Variants in MROH1 observed in about 807,000 individuals in gnomAD.
MROH1 encodes the protein maestro heat-like repeat-containing protein family member 1.
Under a neutral mutation model 116.5 loss-of-function variants are expected in MROH1, and 117 were observed. That is an observed-to-expected ratio of 1.00 (90% CI 0.86 to 1.17). MROH1 has a LOEUF of 1.17. Ranked by LOEUF, MROH1 falls within the 50% of genes most tolerant of loss-of-function variation. The pLI is 0.00. For missense variants in MROH1, 1,873 were observed against 1,338.5 expected (o/e 1.40, Z -6.23); for synonymous variants, 921 against 583.9 (o/e 1.58, Z -8.32).
chr8:144,207,222 T>A (rs72695470), intron 12 of MROH1, among the ~76,000 whole-genome samples: 1 of 151,734 alleles, frequency 6.6e-6, no homozygotes, highest in Non-Finnish European at 1.5e-5. Flanking sequence ...GGAGTCGTGC[T>A]CTGTCACCAA....
chr8:144,157,048 C>T (rs1281498273), intron 1 of MROH1, among the ~76,000 whole-genome samples: 1 of 151,724 alleles, frequency 6.6e-6, no homozygotes, highest in South Asian at 2.1e-4. Flanking sequence ...CTCCGCCTCC[C>T]GCATTCAAGG....
chr8:144,191,609 G>A, intron 8 of MROH1, 106 bp from the exon 9 acceptor site: 2 of 1,440,100 alleles, frequency 1.4e-6, no homozygotes, highest in Non-Finnish European at 1.9e-6. Flanking sequence ...GCACCCACTG[G>A]TAGCCCAGTG....
At chr8:144,174,739 T>C (rs956462296) in intron 4 of MROH1, 7 of 711,180 alleles carry the variant, frequency 9.8e-6, no homozygotes, top group African/African-American at 9.7e-5. Flanking sequence ...CACCTTGGCC[T>C]CCCAAAGTGC....
At chr8:144,260,581 G>C in intron 39 of MROH1, 96 bp from the exon 40 acceptor site, 1 of 763,866 alleles carries the variant, frequency 1.3e-6, no homozygotes, top group Non-Finnish European at 2.4e-6. Context: ...TCCTGGCCCG[G>C]GTCAGGCAAG....
At chr8:144,158,923 G>C (rs1462120809) in intron 1 of MROH1, among the ~76,000 whole-genome samples, 1 of 152,090 alleles carries the variant, frequency 6.6e-6, no homozygotes, top group Non-Finnish European at 1.5e-5. Flanking sequence ...ATTTTTTGTA[G>C]AGACAGGGCT....
Position 144,223,047 on chromosome 8 carries a change from G to A in MROH1, c.1216-61G>A, listed in dbSNP as rs115580075. 3,154 of 1,604,198 alleles carry A rather than the reference G, an allele frequency of 2.0e-3. 48 individuals carry two copies. The African/African-American group carries it at 0.037, about 19-fold the overall frequency. The stretch of plus-strand genomic sequence containing the variant: ...GGAAGACTGAGGTTCCTCTCTGCTG[G>A]CTGGACTGGCATGGCAGTCTCTGCG... On this transcript the variant is annotated intron_variant, in intron 13 of 43. Coordinates refer to ENST00000326134, the MANE Select transcript of MROH1 (RefSeq NM_032450.3).
rs1815830023 is a variant in MROH1, at chr8:144,148,028, T to G, written c.-225T>G. On this transcript the variant is annotated 5_prime_UTR_variant, in exon 1 of 44. Coordinates refer to ENST00000326134, the MANE Select transcript of MROH1 (RefSeq NM_032450.3). ...CGCGGCTCCGCCCACTCCGGGCCCC[T>G]GCTGGGCGGGAAGGCGGCGCCCCGG... The G allele has an allele frequency of 6.6e-6, 1 of 152,022 alleles. No homozygotes were observed. The highest frequency in any genetic ancestry group is 1.5e-5 in the Non-Finnish European group (1 of 68,016). The allele number at this position is 152,022 out of a possible 1,614,324, so 9.4% of individuals were successfully genotyped here.
Position 144,208,690 on chromosome 8 carries a change from C to T in MROH1, c.1141+8149C>T, listed in dbSNP as rs180783764. 2.0e-5 allele frequency among the ~76,000 whole-genome samples: 3 copies of T among 152,094 alleles called. No individual in the cohort carries two copies. In the East Asian group the frequency reaches 5.8e-4, roughly 29 times the overall value. On this transcript the variant is annotated intron_variant, in intron 12 of 43. Transcript: ENST00000326134. The stretch of plus-strand genomic sequence containing the variant: ...ATGTTAGTGGGTATATTTCAGGACT[C>T]TATTCTTTCCTTACACCAATATCAC...
At chr8:144,260,610 G>A in intron 39 of MROH1, 67 bp from the exon 40 acceptor site, 1 of 768,514 alleles carries the variant, frequency 1.3e-6, no homozygotes, top group South Asian at 1.3e-5. Context: ...TCAATGGCAG[G>A]GGGCTAGGCA....
chr8:144,191,122 T>C (rs922210411), intron 8 of MROH1, among the ~76,000 whole-genome samples, 187 bp downstream of exon 8: 1 of 152,094 alleles, frequency 6.6e-6, no homozygotes, highest in Non-Finnish European at 1.5e-5. Context: ...CAGGCTGGAG[T>C]GCAGTGGCAT....
At chr8:144,153,136 G>C (rs1817254885) in intron 1 of MROH1, among the ~76,000 whole-genome samples, 3 of 151,796 alleles carry the variant, frequency 2.0e-5, no homozygotes, top group Admixed American at 2.0e-4. Flanking sequence ...TCTGTTCCTG[G>C]CTTATTTTAC....
chr8:144,169,163 G>T (rs1193165399), intron 4 of MROH1, among the ~76,000 whole-genome samples: 4 of 152,204 alleles, frequency 2.6e-5, no homozygotes, highest in Non-Finnish European at 5.9e-5. Flanking sequence ...GTTTTTCTCT[G>T]TGTGTGTGGT....
rs2133254609 is a variant in MROH1 at position 144,254,970 on chromosome 8, C to T, written c.3586C>T (p.Pro1196Ser). 11 of 766,054 alleles carry T rather than the reference C, an allele frequency of 1.4e-5. No homozygotes were observed. In the East Asian group the frequency reaches 2.5e-4, roughly 17 times the overall value. The allele number at this position is 766,054 out of a possible 1,614,324, so 47.5% of individuals were successfully genotyped here. ...RTPDRVATLL[P>S]LSATCALFEV... Reference sequence around the variant, plus strand: ...CCCAGACCGCGTGGCCACGCTGCTGCCTCTCTCGGTGAGTCGGGCTCTCGG... The same window carrying T: ...CCCAGACCGCGTGGCCACGCTGCTGTCTCTCTCGGTGAGTCGGGCTCTCGG... The change falls in exon 34 of 44, where the codon CCT becomes TCT. Residue 1196 changes from proline (P) to serine (S), a missense_variant. Pro to Ser is a moderately conservative substitution (Grantham distance 74). Transcript: ENST00000326134.
intron 40 of MROH1, 34 bp downstream of exon 40, chr8:144,260,866 G>A (rs1844910474): frequency 1.3e-6 from 1 of 777,618 alleles, no homozygotes; most frequent in Non-Finnish European, 2.4e-6. Flanking sequence ...GATGGGGTGG[G>A]TGGCCTCAAC....
At chr8:144,248,312 A>G (rs1487199171) in intron 31 of MROH1, among the ~76,000 whole-genome samples, 1 of 152,176 alleles carries the variant, frequency 6.6e-6, no homozygotes, top group African/African-American at 2.4e-5. Context: ...GGGGGGAAAA[A>G]AAGAGTCCTT....
At chr8:144,190,114 C>T (rs1588032092) in intron 7 of MROH1, among the ~76,000 whole-genome samples, 1 of 152,204 alleles carries the variant, frequency 6.6e-6, no homozygotes, top group Non-Finnish European at 1.5e-5. Flanking sequence ...GAGGCTGCCT[C>T]GCCCCAGTCT....
intron 12 of MROH1, among the ~76,000 whole-genome samples, chr8:144,211,315 TTGG>T (rs950884030): frequency 1.3e-5 from 2 of 152,186 alleles, no homozygotes; most frequent in Non-Finnish European, 1.5e-5. Flanking sequence ...AATTAATTAA[TTGG>T]TGGGAGGATG....
intron 29 of MROH1, among the ~76,000 whole-genome samples, chr8:144,246,095 CTTCCTTCCTTTCT>C (rs1408255033): frequency 9.4e-5 from 12 of 127,376 alleles, no homozygotes; most frequent in Admixed American, 3.5e-4. Context: ...CCTTCCTTTC[CTTCCTTCCTTTCT>C]TTCCTTTCTT....
intron 35 of MROH1, 41 bp from the exon 36 acceptor site, chr8:144,258,736 C>T (rs1288790484): frequency 1.3e-5 from 10 of 742,276 alleles, no homozygotes; most frequent in African/African-American, 3.4e-5. Flanking sequence ...GGGAGGTAGG[C>T]GTGTGTGCCC....
Sources: gnomAD v4.1 joint callset for allele counts (sites outside exome capture counted in the v4.1 genomes callset) on GRCh38, gnomAD v4.1.1 for gene constraint, MANE v1.5 for transcripts, NCBI Gene and HGNC (gene_info 2026-07-23, HGNC 2026-07-21) for gene names.